Variants in FAT1 observed in about 807,000 individuals in gnomAD.
The protein encoded by FAT1 is FAT atypical cadherin 1.
FAT1 carries 171 observed loss-of-function variants against 329.8 expected under a neutral mutation model. That is an observed-to-expected ratio of 0.52 (90% CI 0.46 to 0.59). FAT1 has a LOEUF of 0.59. FAT1 is among the 20% of genes least tolerant of loss of function. FAT1 has a pLI of 0.00. For missense variants in FAT1, 5,672 were observed against 5,774.4 expected (o/e 0.98, Z 0.57); for synonymous variants, 2,233 against 2,228.6 (o/e 1.00, Z -0.06).
intron 1 of FAT1, among the ~76,000 whole-genome samples, chr4:186,723,313 G>C (rs556931112): frequency 6.6e-6 from 1 of 152,352 alleles, no homozygotes; most frequent in Admixed American, 6.5e-5. Context: ...CAGCGAGCGG[G>C]TCTTTCGCAG....
intron 2 of FAT1, among the ~76,000 whole-genome samples, chr4:186,697,391 C>T (rs945748435): frequency 6.6e-6 from 1 of 152,168 alleles, no homozygotes; most frequent in Non-Finnish European, 1.5e-5. Flanking sequence ...TGTGGGTGTG[C>T]GCGGACGGTC....
rs777067046 is a variant in FAT1 at position 186,707,367 on chromosome 4, C to T, written c.2461G>A (p.Glu821Lys). 10 of 1,613,862 alleles carry T rather than the reference C, an allele frequency of 6.2e-6. No homozygotes were observed. The highest frequency in any genetic ancestry group is 1.6e-4 in the Middle Eastern group (1 of 6,084). Reference sequence around the variant, plus strand: ...ACAAAATAGCTCTCCTGTAAAAACTCGGGTGGATTATCATTGGCATCGACA... The same window carrying T: ...ACAAAATAGCTCTCCTGTAAAAACTTGGGTGGATTATCATTGGCATCGACA... The part of the protein sequence containing the change: ...VVVDANDNPP[E>K]FLQESYFVEV... The change falls in exon 2 of 27, where the codon GAG becomes AAG. Residue 821 changes from glutamate (E) to lysine (K), a missense_variant. Coordinates refer to ENST00000441802, the MANE Select transcript of FAT1 (RefSeq NM_005245.4).
rs577375480 is a variant in FAT1, at chr4:186,628,361, G to A, written c.4603C>T (p.Arg1535Ter). 3 of 1,611,974 alleles carry A rather than the reference G, an allele frequency of 1.9e-6. No homozygotes were observed. Among genetic ancestry groups the A allele is most frequent in the East Asian group, 2.2e-5 (1 of 44,842 alleles). The change falls in exon 9 of 27, where the codon CGA (arginine) becomes TGA (stop). Residue 1535 changes from arginine (R) to a stop codon, truncating the protein, a stop_gained. Coordinates refer to ENST00000441802, the MANE Select transcript of FAT1 (RefSeq NM_005245.4). LOFTEE classifies it high-confidence loss of function. ...CGTTTTACAGGCACATCTTGATCTC[G>A]TACCTAAAAAGAATTGACACATTAT... ...VHQHTLTVMVRDQDVPVKRNF... is the reference protein window; with the variant it reads ...VHQHTLTVMV
intron 2 of FAT1, among the ~76,000 whole-genome samples, chr4:186,696,352 C>T (rs1157369348): frequency 3.3e-5 from 5 of 152,210 alleles, no homozygotes; most frequent in Non-Finnish European, 1.5e-5. Flanking sequence ...GTTGCCTCAA[C>T]CAACAGACTA....
At chr4:186,713,637 T>C (rs1372422483) in intron 1 of FAT1, among the ~76,000 whole-genome samples, 3 of 152,262 alleles carry the variant, frequency 2.0e-5, no homozygotes, top group South Asian at 4.1e-4. Context: ...GATTTGTCTA[T>C]CTTCCTCCAT....
In FAT1 at chr4:186,604,418, T is replaced by C. The variant is rs1178847224; in HGVS notation, c.10507A>G (p.Ile3503Val). ...PQGVLLTSSA[I>V]KRKEKDHYLL... ...TAATGATCTTTCTCCTTCCTCTTGA[T>C]GGCAGATGATGTCAGGAGGACTCCT... The change falls in exon 18 of 27, where the codon ATC (isoleucine) becomes GTC (valine). Residue 3503 changes from isoleucine to valine, a missense_variant. Coordinates refer to ENST00000441802, the MANE Select transcript of FAT1 (RefSeq NM_005245.4). 1.9e-6 allele frequency: 3 copies of C among 1,613,874 alleles called. No individual in the cohort carries two copies. Among genetic ancestry groups the C allele is most frequent in the Admixed American group, 1.7e-5 (1 of 59,994 alleles).
At chr4:186,660,885 T>TCTCCTCCTA (rs1164337080) in intron 3 of FAT1, among the ~76,000 whole-genome samples, 1 of 152,184 alleles carries the variant, frequency 6.6e-6, no homozygotes, top group Non-Finnish European at 1.5e-5. Context: ...TCAGTTTCTT[T>TCTCCTCCTA]CTCCTCCTAC....
rs76124821 is a variant in FAT1 at position 186,648,871 on chromosome 4, C to T, written c.3581-9088G>A. Reference sequence around the variant, plus strand: ...CCCGGTGATTCCATCCCATGCTGACCTCCTCAGTACAGGTGCTGACAGAAG... The same window carrying T: ...CCCGGTGATTCCATCCCATGCTGACTTCCTCAGTACAGGTGCTGACAGAAG... On this transcript the variant is annotated intron_variant, in intron 3 of 26. Coordinates refer to ENST00000441802, the MANE Select transcript of FAT1 (RefSeq NM_005245.4). Among the ~76,000 whole-genome samples, 1,508 of 152,222 alleles carry T rather than the reference C, an allele frequency of 9.9e-3. 24 individuals carry two copies. The highest frequency in any genetic ancestry group is 0.035 in the African/African-American group (1,448 of 41,540).
chr4:186,636,943 T>C, intron 4 of FAT1, 29 bp from the exon 5 acceptor site: 1 of 1,547,864 alleles, frequency 6.5e-7, no homozygotes, highest in East Asian at 2.2e-5. Flanking sequence ...CAGATTAACA[T>C]GTTAAGATAT....
intron 15 of FAT1, 145 bp downstream of exon 15, chr4:186,609,656 C>G: frequency 1.6e-6 from 1 of 639,862 alleles, no homozygotes; most frequent in Non-Finnish European, 2.7e-6. Flanking sequence ...ACAAAGTCAG[C>G]AATCAGTTGG....
intron 2 of FAT1, among the ~76,000 whole-genome samples, chr4:186,677,789 G>A (rs1743024958): frequency 2.6e-5 from 4 of 152,118 alleles, no homozygotes; most frequent in South Asian, 2.1e-4. Context: ...ATTAAAACAG[G>A]AGGAAAACGG....
At chr4:186,589,518 T>C (rs953291599) in intron 26 of FAT1, among the ~76,000 whole-genome samples, 1 of 152,218 alleles carries the variant, frequency 6.6e-6, no homozygotes, top group Non-Finnish European at 1.5e-5. Flanking sequence ...ATCTAAATTA[T>C]ATACATTTTT....
Position 186,628,494 on chromosome 4 carries a change from C to T in FAT1, c.4593G>A (p.Thr1531=), listed in dbSNP as rs767123201. ...DHEAVHQHTL[T]VMVRDQDVPV... is the part of the protein sequence containing the mutation. ...GAGCGGGTAGAGCGCCTACCATGAC[C>T]GTGAGGGTGTGCTGGTGAACAGCTT... The change falls in exon 8 of 27, where the codon ACG becomes ACA. Residue 1531 remains threonine (T), a synonymous_variant. Transcript: ENST00000441802. 6 of 1,613,856 alleles carry T rather than the reference C, an allele frequency of 3.7e-6. No homozygotes were observed. The highest frequency in any genetic ancestry group is 5.1e-6 in the Non-Finnish European group (6 of 1,179,890).
At chr4:186,685,737 A>G (rs1029222129) in intron 2 of FAT1, among the ~76,000 whole-genome samples, 2 of 152,244 alleles carry the variant, frequency 1.3e-5, no homozygotes, top group Admixed American at 1.3e-4. Context: ...GACATCTGTA[A>G]GAGACTCGTA....
At position 186,626,010 on chromosome 4, in the gene FAT1, T is replaced by C. The variant is rs1008453796; in HGVS notation, c.4810+2144A>G. Reference sequence around the variant, plus strand: ...GCACATAAAGTGAGCTTCATCAGCCTACAGAATGAATGAATGAATGAATGA... The same window carrying C: ...GCACATAAAGTGAGCTTCATCAGCCCACAGAATGAATGAATGAATGAATGA... On this transcript the variant is annotated intron_variant, in intron 9 of 26. Transcript: ENST00000441802. 7.2e-3 allele frequency among the ~76,000 whole-genome samples: 961 copies of C among 133,132 alleles called. 5 individuals carry two copies. Among genetic ancestry groups the C allele is most frequent in the Middle Eastern group, 0.017 (4 of 230 alleles). The allele number at this position is 133,132 out of a possible 152,430, so 87.3% of individuals were successfully genotyped here. A position where few individuals can be genotyped will look rare whatever the true frequency, so the allele number is the denominator to read the frequency against.
intron 3 of FAT1, among the ~76,000 whole-genome samples, chr4:186,651,519 C>G (rs552764445): frequency 1.3e-5 from 2 of 152,296 alleles, no homozygotes; most frequent in South Asian, 2.1e-4. Flanking sequence ...AAAAATCTTT[C>G]ATGAGTATCA....
intron 2 of FAT1, among the ~76,000 whole-genome samples, chr4:186,684,448 A>G (rs990225354): frequency 1.3e-5 from 2 of 152,190 alleles, no homozygotes; most frequent in African/African-American, 4.8e-5. Context: ...TAGGAGACGT[A>G]GGACCATGAA....
intron 21 of FAT1, 115 bp from the exon 22 acceptor site, chr4:186,600,475 A>G (rs1365093723): frequency 3.9e-6 from 3 of 775,598 alleles, no homozygotes; most frequent in Non-Finnish European, 6.2e-6. Context: ...TAGGCCTTAC[A>G]TTTAAGTACT....
At position 186,628,737 on chromosome 4, in the gene FAT1, A is replaced by G. The variant is rs1254352699; in HGVS notation, c.4350T>C (p.Asn1450=). The G allele has an allele frequency of 6.2e-7, 1 of 1,613,472 alleles. No homozygotes were observed. Among genetic ancestry groups the G allele is most frequent in the South Asian group, 1.1e-5 (1 of 91,046 alleles). The change falls in exon 8 of 27, where the codon AAT becomes AAC. Residue 1450 remains asparagine, a synonymous_variant. Transcript: ENST00000441802. ...ATGTAGAAAACTGAGGACGATGGTC[A>G]TTTGTGTCTATTACTTTGATGAATA... ...TQVFIKVIDT[N]DHRPQFSTSK...
Sources: gnomAD v4.1 joint callset for allele counts (sites outside exome capture counted in the v4.1 genomes callset) on GRCh38, gnomAD v4.1.1 for gene constraint, MANE v1.5 for transcripts, NCBI Gene and HGNC (gene_info 2026-07-23, HGNC 2026-07-21) for gene names.